TENM3: variants seen among roughly 807,000 people sequenced by gnomAD.
The protein encoded by TENM3 is teneurin transmembrane protein 3.
A neutral mutation model predicts 255.1 loss-of-function variants in TENM3; 63 were observed. The ratio of observed to expected loss-of-function variants is 0.25; its 90% confidence interval spans 0.20 to 0.30. TENM3 has a LOEUF of 0.30. Among genes scored for constraint, TENM3 ranks in the 10% least tolerant of loss-of-function variants. The pLI is 1.00. For synonymous variants in TENM3, 1,306 were observed against 1,322.3 expected (o/e 0.99, Z 0.27); for missense variants, 2,929 against 3,461.1 (o/e 0.85, Z 3.86).
At chr4:182,304,306 G>C (rs1211809973) in intron 1 of TENM3, among the ~76,000 whole-genome samples, 7 of 151,890 alleles carry the variant, frequency 4.6e-5, no homozygotes, top group Admixed American at 4.6e-4. Flanking sequence ...TCTGCCTCCC[G>C]GGTTCAAGCG....
chr4:181,520,998 A>G, the TENM3 span, among the ~76,000 whole-genome samples: 1,224 of 152,326 alleles, frequency 8.0e-3, 67 homozygotes, highest in Admixed American at 0.074. Flanking sequence ...GGCATGCCAC[A>G]TGTGTTCCTC....
chr4:181,536,277 C>T, the TENM3 span, among the ~76,000 whole-genome samples: 1 of 152,120 alleles, frequency 6.6e-6, no homozygotes, highest in Admixed American at 6.6e-5. Flanking sequence ...ACTTTGTGTT[C>T]CCGCATGAGG....
chr4:182,752,076 A>AG, intron 20 of TENM3, 44 bp downstream of exon 20: 3 of 1,146,748 alleles, frequency 2.6e-6, no homozygotes, highest in Non-Finnish European at 3.6e-6. Flanking sequence ...TATTTATTAA[A>AG]AAAAAAAAAA....
At chr4:182,044,125 C>A in the TENM3 span, among the ~76,000 whole-genome samples, 1 of 152,128 alleles carries the variant, frequency 6.6e-6, no homozygotes, top group Non-Finnish European at 1.5e-5. Flanking sequence ...TTAAAATACA[C>A]ATATAAGGAT....
the TENM3 span, among the ~76,000 whole-genome samples, chr4:181,559,633 T>G: frequency 6.6e-6 from 1 of 152,234 alleles, no homozygotes; most frequent in Non-Finnish European, 1.5e-5. Flanking sequence ...ATATACTAAG[T>G]GTTCAAGAAG....
At chr4:181,839,383 A>ATG in the TENM3 span, among the ~76,000 whole-genome samples, 1 of 31,246 alleles carries the variant, frequency 3.2e-5, no homozygotes, top group Admixed American at 3.0e-4. Context: ...ATATATATAT[A>ATG]TACACCTATA....
intron 3 of TENM3, among the ~76,000 whole-genome samples, chr4:182,469,095 T>C (rs1732875048): frequency 6.6e-6 from 1 of 152,196 alleles, no homozygotes; most frequent in Admixed American, 6.5e-5. Flanking sequence ...TTGAAAGTTA[T>C]GTTTGTTTGT....
At chr4:182,139,507 C>A (rs1749248557), upstream of TENM3, among the ~76,000 whole-genome samples, 1 of 152,162 alleles carries the variant, frequency 6.6e-6, no homozygotes, top group Non-Finnish European at 1.5e-5. Flanking sequence ...TATCATAAAC[C>A]TTGCCAGCAG....
chr4:182,619,580 A>G (rs368540701), intron 4 of TENM3, among the ~76,000 whole-genome samples: 15 of 152,202 alleles, frequency 9.9e-5, no homozygotes, highest in African/African-American at 3.6e-4. Context: ...TCCTTCCTAT[A>G]TATGTTTTAG....
chr4:182,241,496 C>G (rs554098909), upstream of TENM3, among the ~76,000 whole-genome samples: 85 of 149,088 alleles, frequency 5.7e-4, no homozygotes, highest in Non-Finnish European at 1.0e-3. Flanking sequence ...CAGTCGCTTC[C>G]TTTTCCCTTT....
the TENM3 span, among the ~76,000 whole-genome samples, chr4:181,476,970 C>G: frequency 6.6e-6 from 1 of 152,132 alleles, no homozygotes. Flanking sequence ...TGAAAAGCTA[C>G]AGAGGTTCCA....
chr4:182,000,148 G>T, the TENM3 span, among the ~76,000 whole-genome samples: 1 of 151,962 alleles, frequency 6.6e-6, no homozygotes, highest in Admixed American at 6.6e-5. Context: ...AATTAGATGG[G>T]ATTATTTCAT....
intron 13 of TENM3, among the ~76,000 whole-genome samples, chr4:182,715,890 C>T (rs905289487): frequency 9.2e-5 from 14 of 152,216 alleles, no homozygotes; most frequent in African/African-American, 3.4e-4. Flanking sequence ...AGACTGTTCA[C>T]TGTTTTCTCT....
At chr4:181,830,277 T>C in the TENM3 span, among the ~76,000 whole-genome samples, 2 of 152,148 alleles carry the variant, frequency 1.3e-5, no homozygotes, top group Admixed American at 6.5e-5. Context: ...TTTGTTTGTT[T>C]GTTTGTTTTT....
chr4:181,680,916 G>T, the TENM3 span, among the ~76,000 whole-genome samples: 1 of 152,166 alleles, frequency 6.6e-6, no homozygotes, highest in African/African-American at 2.4e-5. Context: ...TGAATCACAT[G>T]CAGAGAGCCT....
chr4:182,091,348 G>A, the TENM3 span, among the ~76,000 whole-genome samples: 1 of 152,344 alleles, frequency 6.6e-6, no homozygotes, highest in South Asian at 2.1e-4. Flanking sequence ...AGTTGCAAGG[G>A]TGAAAGGGCA....
At chr4:181,801,277 G>T in the TENM3 span, among the ~76,000 whole-genome samples, 2 of 152,016 alleles carry the variant, frequency 1.3e-5, no homozygotes, top group Admixed American at 6.6e-5. Flanking sequence ...CTCTTTACAC[G>T]TCTGAGAGAC....
chr4:182,443,249 A>G (rs1772646822), intron 3 of TENM3, among the ~76,000 whole-genome samples: 1 of 152,158 alleles, frequency 6.6e-6, no homozygotes, highest in Non-Finnish European at 1.5e-5. Flanking sequence ...TAAGTTGCCA[A>G]GCATAGACAC....
intron 3 of TENM3, among the ~76,000 whole-genome samples, chr4:182,361,879 G>A (rs1766019346): frequency 6.6e-6 from 1 of 152,152 alleles, no homozygotes; most frequent in Non-Finnish European, 1.5e-5. Flanking sequence ...TGATGGTGAT[G>A]TACAGATGGG....
Sources: gnomAD v4.1 joint callset for allele counts (sites outside exome capture counted in the v4.1 genomes callset) on GRCh38, gnomAD v4.1.1 for gene constraint, MANE v1.5 for transcripts, NCBI Gene and HGNC (gene_info 2026-07-23, HGNC 2026-07-21) for gene names.